The following NBEA variants were observed in gnomAD, a reference collection of about 807,000 sequenced individuals.
NBEA encodes neurobeachin, also known as lysosomal-trafficking regulator 2.
NBEA carries 44 observed loss-of-function variants against 343.4 expected under a neutral mutation model. That is an observed-to-expected ratio of 0.13 (90% CI 0.10 to 0.16). The LOEUF is 0.16. Among genes scored for constraint, NBEA ranks in the 10% least tolerant of loss-of-function variants. The probability of loss-of-function intolerance (pLI) is 1.00; values close to 1 mark genes in which losing one functional copy is unlikely to be tolerated. For missense variants in NBEA, 2,555 were observed against 3,631.3 expected (o/e 0.70, Z 7.62); for synonymous variants, 1,175 against 1,238.7 (o/e 0.95, Z 1.08).
intron 56 of NBEA, among the ~76,000 whole-genome samples, chr13:35,666,943 G>A (rs2085383525): frequency 6.6e-6 from 1 of 152,196 alleles, no homozygotes; most frequent in Non-Finnish European, 1.5e-5. Flanking sequence ...TGACGGCAGT[G>A]TATTGATGTG....
At chr13:35,608,030 T>C (rs1170559924) in intron 48 of NBEA, among the ~76,000 whole-genome samples, 8 of 152,208 alleles carry the variant, frequency 5.3e-5, no homozygotes, top group African/African-American at 1.9e-4. Context: ...CACTTTTCTT[T>C]TGGACTTTAC....
intron 38 of NBEA, among the ~76,000 whole-genome samples, chr13:35,395,029 G>C (rs771157194): frequency 6.6e-6 from 1 of 151,914 alleles, no homozygotes; most frequent in Non-Finnish European, 1.5e-5. Context: ...GAAGTATGTT[G>C]TTTAAGTTTC....
intron 8 of NBEA, among the ~76,000 whole-genome samples, chr13:35,061,917 A>AT (rs1047003727): frequency 2.4e-4 from 36 of 151,732 alleles, no homozygotes; most frequent in African/African-American, 8.7e-4. Flanking sequence ...TGATATCCTT[A>AT]TTTTTTGCTT....
intron 11 of NBEA, among the ~76,000 whole-genome samples, chr13:35,105,240 C>T (rs1264530717): frequency 6.6e-6 from 1 of 151,916 alleles, no homozygotes; most frequent in Non-Finnish European, 1.5e-5. Flanking sequence ...TAATTTCTTG[C>T]TAATGTCTTC....
At chr13:35,205,149 T>C (rs1839165138) in intron 31 of NBEA, among the ~76,000 whole-genome samples, 2 of 152,158 alleles carry the variant, frequency 1.3e-5, no homozygotes, top group South Asian at 4.1e-4. Context: ...GAAGAAACAA[T>C]ATTAAGGACA....
At chr13:35,456,872 G>A (rs1223181865) in intron 40 of NBEA, among the ~76,000 whole-genome samples, 1 of 151,778 alleles carries the variant, frequency 6.6e-6, no homozygotes, top group Non-Finnish European at 1.5e-5. Flanking sequence ...GTGAGTTAAT[G>A]ATAATGATGG....
At chr13:35,003,512 C>T (rs1247949674) in intron 1 of NBEA, among the ~76,000 whole-genome samples, 1 of 152,082 alleles carries the variant, frequency 6.6e-6, no homozygotes, top group East Asian at 1.9e-4. Context: ...AGCCTGTCTC[C>T]CCAAAGATAC....
chr13:35,200,682 T>C (rs973227004), intron 31 of NBEA, among the ~76,000 whole-genome samples: 2 of 151,878 alleles, frequency 1.3e-5, no homozygotes, highest in African/African-American at 4.8e-5. Flanking sequence ...AGGTATTTTT[T>C]CCTCAAAATT....
chr13:35,590,060 G>A (rs1324428270), intron 46 of NBEA, among the ~76,000 whole-genome samples: 1 of 152,038 alleles, frequency 6.6e-6, no homozygotes, highest in Non-Finnish European at 1.5e-5. Flanking sequence ...ATCTGTTGAT[G>A]TACACATGGA....
At chr13:35,366,615 T>A (rs1044035555) in intron 38 of NBEA, among the ~76,000 whole-genome samples, 3 of 150,198 alleles carry the variant, frequency 2.0e-5, no homozygotes, top group African/African-American at 7.4e-5. Context: ...TCATTCATTT[T>A]AATTTTATAA....
intron 11 of NBEA, among the ~76,000 whole-genome samples, chr13:35,099,725 A>G (rs1312787771): frequency 6.6e-6 from 1 of 152,080 alleles, no homozygotes; most frequent in African/African-American, 2.4e-5. Flanking sequence ...TAAAAATTAG[A>G]TGGGTTTACT....
At chr13:34,958,777 A>G (rs1171872536) in intron 1 of NBEA, among the ~76,000 whole-genome samples, 1 of 152,126 alleles carries the variant, frequency 6.6e-6, no homozygotes, top group Admixed American at 6.6e-5. Context: ...GTCTCATAAA[A>G]TTTGATTTCC....
At chr13:35,430,422 T>C (rs1327210189) in intron 38 of NBEA, among the ~76,000 whole-genome samples, 2 of 152,206 alleles carry the variant, frequency 1.3e-5, no homozygotes, top group Admixed American at 6.5e-5. Flanking sequence ...TTTCTTTTGC[T>C]GTGCAAAAGG....
At chr13:35,313,557 C>A (rs2037513024) in intron 36 of NBEA, among the ~76,000 whole-genome samples, 1 of 152,104 alleles carries the variant, frequency 6.6e-6, no homozygotes, top group African/African-American at 2.4e-5. Flanking sequence ...TGGGTTCAGC[C>A]ACAAGGAGGT....
chr13:35,284,407 C>T (rs74048977), intron 34 of NBEA, among the ~76,000 whole-genome samples: 13,453 of 151,970 alleles, frequency 0.089, 615 homozygotes, highest in South Asian at 0.12. Context: ...ATGTAAGCTG[C>T]ATTGGCTTAA....
intron 41 of NBEA, among the ~76,000 whole-genome samples, chr13:35,506,442 A>T (rs2077076083): frequency 6.6e-6 from 1 of 152,142 alleles, no homozygotes; most frequent in South Asian, 2.1e-4. Flanking sequence ...TTTTTTTTTT[A>T]GGTTTATAAG....
At chr13:34,954,853 A>G (rs572975653) in intron 1 of NBEA, among the ~76,000 whole-genome samples, 1 of 152,356 alleles carries the variant, frequency 6.6e-6, no homozygotes, top group Non-Finnish European at 1.5e-5. Flanking sequence ...AGATGCAACC[A>G]TCTATTTTTT....
rs554279236 is a variant in NBEA, at chr13:35,335,810, A to G, written c.5904-13298A>G. 3.9e-5 allele frequency among the ~76,000 whole-genome samples: 6 copies of G among 152,250 alleles called. No homozygotes were observed. The South Asian group carries it at 8.3e-4, about 21-fold the overall frequency. On this transcript the variant is annotated intron_variant, in intron 36 of 58. Coordinates refer to ENST00000379939, the MANE Select transcript of NBEA (RefSeq NM_001385012.1). Reference sequence around the variant, plus strand: ...TGGGAGGAACAGCTTGGAAATAGGTACATAAGGGCTTTGAAAAGCTCTAAC... The same window carrying G: ...TGGGAGGAACAGCTTGGAAATAGGTGCATAAGGGCTTTGAAAAGCTCTAAC...
intron 55 of NBEA, among the ~76,000 whole-genome samples, chr13:35,664,604 C>T (rs957497566): frequency 2.0e-5 from 3 of 152,290 alleles, no homozygotes; most frequent in East Asian, 1.9e-4. Context: ...TAGCTAGGTT[C>T]GCACTAATAA....
Sources: allele counts gnomAD v4.1 joint callset (sites outside exome capture counted in the v4.1 genomes callset), GRCh38; gene constraint gnomAD v4.1.1; transcripts MANE v1.5; gene names NCBI Gene and HGNC (gene_info 2026-07-23, HGNC 2026-07-21).